Variants in EDA observed in about 807,000 individuals in gnomAD.
EDA encodes ectodysplasin A.
In EDA, 2 loss-of-function variants were observed where a neutral mutation model predicts 23.6. The observed-to-expected ratio is 0.08, with a 90% CI of 0.03 to 0.27. The LOEUF is 0.27. Among genes scored for constraint, EDA ranks in the 10% least tolerant of loss-of-function variants. EDA has a pLI of 1.00. For missense variants in EDA, 229 were observed against 324.2 expected, an observed-to-expected ratio of 0.71 and a Z score of 2.26; for synonymous variants, 131 against 132.0, an observed-to-expected ratio of 0.99 and a Z score of 0.05.
rs757740712 is a variant in EDA at position 70,019,868 on chromosome X, A to T, written c.503-3350A>T. Among the ~76,000 whole-genome samples the T allele has an allele frequency of 3.6e-5, 4 of 111,819 alleles. No homozygotes were observed. In the Admixed American group the frequency reaches 3.8e-4, roughly 11 times the overall value. On this transcript the variant is annotated intron_variant, in intron 2 of 7. Transcript: ENST00000374552. ...GACACACAGTTTATCTATAGGACCAACCTGCACATGTACCCCAGAAACTAA... is the reference window on the plus strand; with the variant it reads ...GACACACAGTTTATCTATAGGACCATCCTGCACATGTACCCCAGAAACTAA...
intron 1 of EDA, among the ~76,000 whole-genome samples, chrX:69,667,973 A>G (rs760007441): frequency 2.9e-4 from 32 of 112,037 alleles, no homozygotes; most frequent in Non-Finnish European, 5.1e-4. Context: ...CATGAGGGCA[A>G]AGTCCTCATT....
chrX:69,849,919 T>C (rs1220378114), intron 1 of EDA, among the ~76,000 whole-genome samples: 1 of 111,985 alleles, frequency 8.9e-6, no homozygotes, highest in African/African-American at 3.2e-5. Context: ...AAAATCAATA[T>C]TATACAAAGG....
intron 1 of EDA, among the ~76,000 whole-genome samples, chrX:69,703,626 A>G (rs1374592508): frequency 2.7e-5 from 3 of 111,862 alleles, no homozygotes; most frequent in Non-Finnish European, 5.6e-5. Flanking sequence ...AAAGTGTCTC[A>G]GTCTTATGTA....
chrX:69,813,093 C>T (rs2015998445), intron 1 of EDA, among the ~76,000 whole-genome samples: 1 of 111,008 alleles, frequency 9.0e-6, no homozygotes, highest in Admixed American at 9.6e-5. Flanking sequence ...ATTCAGTAAT[C>T]CTTTTATGTG....
intron 2 of EDA, among the ~76,000 whole-genome samples, chrX:69,961,116 A>T (rs2019095672): frequency 1.8e-5 from 2 of 111,658 alleles, no homozygotes. Flanking sequence ...TGTTTTTTAC[A>T]GGTGCCCGCC....
intron 2 of EDA, among the ~76,000 whole-genome samples, chrX:69,964,535 G>C (rs1469503825): frequency 8.9e-6 from 1 of 111,921 alleles, no homozygotes; most frequent in African/African-American, 3.2e-5. Flanking sequence ...AGCTAGGCTA[G>C]TTTTAGCCAA....
chrX:69,941,890 A>G (rs944845564), intron 1 of EDA, among the ~76,000 whole-genome samples: 4 of 109,929 alleles, frequency 3.6e-5, no homozygotes, highest in African/African-American at 1.3e-4. Context: ...AGTGAAGGTG[A>G]TTTTCTCTGA....
intron 1 of EDA, among the ~76,000 whole-genome samples, chrX:69,832,086 G>A (rs763547706): frequency 3.6e-5 from 4 of 111,371 alleles, no homozygotes; most frequent in Admixed American, 9.5e-5. Flanking sequence ...CATTACTTTT[G>A]GTGTTTCAGT....
chrX:70,001,506 C>T (rs755505048), intron 2 of EDA, among the ~76,000 whole-genome samples: 1 of 111,663 alleles, frequency 9.0e-6, no homozygotes, highest in Non-Finnish European at 1.9e-5. Flanking sequence ...CCATTTGGGC[C>T]CCTTCAGCCC....
In EDA at chrX:69,909,579, G is replaced by A. The variant is rs1197467736; in HGVS notation, c.397-47448G>A. Among the ~76,000 whole-genome samples, 6 of 112,759 alleles carry A rather than the reference G, an allele frequency of 5.3e-5. No individual in the cohort carries two copies. The South Asian group carries it at 1.4e-3, about 27-fold the overall frequency. On this transcript the variant is annotated intron_variant, in intron 1 of 7. Transcript: ENST00000374552. ...CTCCCAAAGTGTTGGGATTACAGGC[G>A]TGAGCCACCGCGCCCGGCCCTTCTA...
At chrX:69,947,577 A>T (rs1350273935) in intron 1 of EDA, among the ~76,000 whole-genome samples, 1 of 111,990 alleles carries the variant, frequency 8.9e-6, no homozygotes, top group Non-Finnish European at 1.9e-5. Context: ...CATACCAAAG[A>T]TGCTTTGGTT....
rs751293381 is a variant in EDA at position 69,782,366 on chromosome X, T to TAA, written c.396+165687_396+165688dup. On this transcript the variant is annotated intron_variant, in intron 1 of 7. Coordinates refer to ENST00000374552, the MANE Select transcript of EDA (RefSeq NM_001399.5). ...GTAGACAAATAACATTAAATGCTCT[T>TAA]AAAAAAAAAAAAAAAAAAAAAAAAA... 8.4e-3 allele frequency among the ~76,000 whole-genome samples: 550 copies of TAA among 65,411 alleles called. 8 individuals are homozygous for TAA. Among genetic ancestry groups the TAA allele is most frequent in the Non-Finnish European group, 9.1e-3 (360 of 39,594 alleles). 56.8% of individuals were successfully genotyped at this position (65,411 alleles called of 115,157 possible). A position where few individuals can be genotyped will look rare whatever the true frequency, so the allele number is the denominator to read the frequency against.
At chrX:69,686,931 G>GTA (rs1934563077) in intron 1 of EDA, among the ~76,000 whole-genome samples, 1 of 111,615 alleles carries the variant, frequency 9.0e-6, no homozygotes, top group South Asian at 3.7e-4. Flanking sequence ...ATTCTCTTGA[G>GTA]TATATACCTA....
At chrX:69,987,320 A>G (rs1175407105) in intron 2 of EDA, among the ~76,000 whole-genome samples, 1 of 108,092 alleles carries the variant, frequency 9.3e-6, no homozygotes, top group Non-Finnish European at 1.9e-5. Flanking sequence ...TTAAAAATAA[A>G]TAAATAAAAA....
intron 1 of EDA, among the ~76,000 whole-genome samples, chrX:69,698,302 G>C (rs1486074170): frequency 9.0e-6 from 1 of 111,695 alleles, no homozygotes; most frequent in Non-Finnish European, 1.9e-5. Flanking sequence ...GACGGATCCA[G>C]TAGGGGAGTC....
At chrX:69,751,810 T>A (rs1315380182) in intron 1 of EDA, among the ~76,000 whole-genome samples, 2 of 110,502 alleles carry the variant, frequency 1.8e-5, no homozygotes, top group Non-Finnish European at 3.8e-5. Flanking sequence ...AGTTCACTCA[T>A]GATTTGGCTC....
chrX:69,761,306 A>G (rs1220405416), intron 1 of EDA, among the ~76,000 whole-genome samples: 1 of 111,167 alleles, frequency 9.0e-6, no homozygotes, highest in Non-Finnish European at 1.9e-5. Flanking sequence ...AAAAGCTGAG[A>G]TAACCACTAT....
intron 2 of EDA, among the ~76,000 whole-genome samples, chrX:70,013,593 C>G (rs755581456): frequency 2.0e-3 from 225 of 110,957 alleles, no homozygotes; most frequent in Non-Finnish European, 3.3e-3. Context: ...GGAAAGGAGC[C>G]CAGTCTCTCT....
intron 1 of EDA, among the ~76,000 whole-genome samples, chrX:69,736,792 GAC>G (rs2055932984): frequency 6.4e-5 from 5 of 78,498 alleles, no homozygotes; most frequent in African/African-American, 2.5e-4. Context: ...TTTTTTTTGA[GAC>G]AGTGTCTCAC....
Sources: gnomAD v4.1 joint callset for allele counts (sites outside exome capture counted in the v4.1 genomes callset) on GRCh38, gnomAD v4.1.1 for gene constraint, MANE v1.5 for transcripts, NCBI Gene and HGNC (gene_info 2026-07-23, HGNC 2026-07-21) for gene names.